The following PKP2 variants were observed in gnomAD, a reference collection of about 807,000 sequenced individuals.
PKP2 encodes the protein plakophilin-2.
PKP2 carries 73 observed loss-of-function variants against 83.4 expected under a neutral mutation model. The observed-to-expected ratio is 0.88, with a 90% confidence interval of 0.72 to 1.06. The LOEUF (loss-of-function observed/expected upper bound fraction) is 1.06. PKP2 is among the 50% of genes least tolerant of loss of function. PKP2 has a pLI of 0.00. For missense variants in PKP2, 966 were observed against 1,065.4 expected (o/e 0.91, Z 1.30); for synonymous variants, 409 against 430.4 (o/e 0.95, Z 0.62).
chr12:32,794,263 T>C (rs1956101365), intron 11 of PKP2, among the ~76,000 whole-genome samples: 4 of 152,248 alleles, frequency 2.6e-5, no homozygotes, highest in Admixed American at 2.6e-4. Context: ...TATTCAAAAC[T>C]GTAAAAAGTT....
intron 6 of PKP2, among the ~76,000 whole-genome samples, chr12:32,839,344 T>C (rs1956568738): frequency 6.6e-6 from 1 of 151,490 alleles, no homozygotes; most frequent in African/African-American, 2.4e-5. Flanking sequence ...TTCCCTGTGA[T>C]TGGCACAATC....
At chr12:32,855,237 G>A (rs934523612) in intron 4 of PKP2, among the ~76,000 whole-genome samples, 10 of 152,104 alleles carry the variant, frequency 6.6e-5, no homozygotes, top group African/African-American at 2.4e-4. Flanking sequence ...CAGCAATGGG[G>A]GAAGACTGGT....
At chr12:32,819,178 T>C (rs1353240511) in intron 9 of PKP2, among the ~76,000 whole-genome samples, 1 of 151,890 alleles carries the variant, frequency 6.6e-6, no homozygotes, top group Non-Finnish European at 1.5e-5. Flanking sequence ...CTTGGGAGGC[T>C]GAGGCAGGAG....
In PKP2 at chr12:32,889,532, T is replaced by C. The variant is rs192736228; in HGVS notation, c.223+6977A>G. 7.2e-5 allele frequency among the ~76,000 whole-genome samples: 11 copies of C among 152,352 alleles called. No homozygotes were observed. In the East Asian group the frequency reaches 9.6e-4, roughly 13 times the overall value. ...GTATCAGTACTTGACAAGTTAATTG[T>C]TGATTAGTCAGATTACCTGTACATT... is the stretch of plus-strand genomic sequence containing the variant. On this transcript the variant is annotated intron_variant, in intron 1 of 12. Coordinates refer to ENST00000340811, the MANE Select transcript of PKP2 (RefSeq NM_001005242.3).
At chr12:32,865,681 C>CAAAAAA (rs765071380) in intron 4 of PKP2, among the ~76,000 whole-genome samples, 1 of 103,670 alleles carries the variant, frequency 9.6e-6, no homozygotes, top group African/African-American at 5.6e-5. Context: ...GACTCCGTCT[C>CAAAAAA]AAAAAAAAAA....
intron 6 of PKP2, among the ~76,000 whole-genome samples, chr12:32,835,781 G>T (rs1018707115): frequency 2.0e-5 from 3 of 152,150 alleles, no homozygotes; most frequent in Non-Finnish European, 4.4e-5. Flanking sequence ...TCTGGGGCTG[G>T]GGGAGGGGGA....
chr12:32,834,234 A>G (rs1279805482), intron 6 of PKP2, among the ~76,000 whole-genome samples: 1 of 152,186 alleles, frequency 6.6e-6, no homozygotes, highest in African/African-American at 2.4e-5. Context: ...GGGCAAAAAT[A>G]GGTCCCATTC....
chr12:32,819,218 C>T (rs1350418929), intron 9 of PKP2, among the ~76,000 whole-genome samples: 2 of 151,834 alleles, frequency 1.3e-5, no homozygotes, highest in African/African-American at 4.8e-5. Context: ...GCAGAAGTTG[C>T]AGTGAGCCAA....
rs141003137 is a variant in PKP2 at position 32,819,350 on chromosome 12, G to A, written c.2013+2006C>T. Among the ~76,000 whole-genome samples the A allele has an allele frequency of 1.9e-3, 264 of 137,768 alleles. 3 individuals carry two copies. The highest frequency in any genetic ancestry group is 7.1e-3 in the African/African-American group (252 of 35,354). The allele number at this position is 137,768 out of a possible 152,430, so 90.4% of individuals were successfully genotyped here. A position where few individuals can be genotyped will look rare whatever the true frequency, so the allele number is the denominator to read the frequency against. ...ATAAAATAAAATAAAATAAAATAAAGGGGCTTCATATTTGTCCCATGCTGC... is the reference window on the plus strand; with the variant it reads ...ATAAAATAAAATAAAATAAAATAAAAGGGCTTCATATTTGTCCCATGCTGC... On this transcript the variant is annotated intron_variant, in intron 9 of 12. Coordinates refer to ENST00000340811, the MANE Select transcript of PKP2 (RefSeq NM_001005242.3).
At chr12:32,851,500 GCT>G (rs1956696288) in intron 4 of PKP2, among the ~76,000 whole-genome samples, 1 of 152,050 alleles carries the variant, frequency 6.6e-6, no homozygotes, top group African/African-American at 2.4e-5. Flanking sequence ...ATGCAGTCTG[GCT>G]CTGTCACCCA....
At chr12:32,819,313 C>CGATAAAATAAAATAA (rs1956353119) in intron 9 of PKP2, among the ~76,000 whole-genome samples, 1 of 146,362 alleles carries the variant, frequency 6.8e-6, no homozygotes. Context: ...CAATACAATA[C>CGATAAAATAAAATAA]AATAAAATAA....
chr12:32,880,507 G>C (rs565107992), intron 1 of PKP2, among the ~76,000 whole-genome samples: 1 of 152,338 alleles, frequency 6.6e-6, no homozygotes, highest in African/African-American at 2.4e-5. Flanking sequence ...TTTGGCAACA[G>C]GAGAGTTAGG....
At position 32,831,409 on chromosome 12, in the gene PKP2, T is replaced by C. The variant is rs1956500686; in HGVS notation, c.1557-7247A>G. On this transcript the variant is annotated intron_variant, in intron 6 of 12. Coordinates refer to ENST00000340811, the MANE Select transcript of PKP2 (RefSeq NM_001005242.3). ...TGGAATAAGACCTTGTGTCACAAAA[T>C]ACAGTTCATAAAACACCAATTTGAG... Among the ~76,000 whole-genome samples, 3 of 152,204 alleles carry C rather than the reference T, an allele frequency of 2.0e-5. No individual in the cohort carries two copies. The South Asian group carries it at 6.2e-4, about 31-fold the overall frequency.
chr12:32,800,901 T>C (rs1956172539), intron 10 of PKP2, among the ~76,000 whole-genome samples: 3 of 152,218 alleles, frequency 2.0e-5, no homozygotes, highest in Admixed American at 6.5e-5. Flanking sequence ...TCTCTAGATG[T>C]AAGTAAAACA....
chr12:32,851,081 T>C, intron 4 of PKP2, 108 bp from the exon 5 acceptor site: 1 of 874,160 alleles, frequency 1.1e-6, no homozygotes, highest in Non-Finnish European at 1.9e-6. Context: ...ATAACCTTTC[T>C]TCATCAACAA....
chr12:32,826,863 A>G (rs554633108), intron 6 of PKP2, among the ~76,000 whole-genome samples: 139 of 152,320 alleles, frequency 9.1e-4, no homozygotes, highest in Non-Finnish European at 1.6e-3. Flanking sequence ...TCCTGGTGAC[A>G]GCAAATTAGT....
In PKP2 at chr12:32,896,528, G is replaced by A; in HGVS notation, c.204C>T (p.Gly68=). 1.3e-6 allele frequency: 2 copies of A among 1,554,800 alleles called. No individual in the cohort carries two copies. Among genetic ancestry groups the A allele is most frequent in the South Asian group, 1.2e-5 (1 of 86,288 alleles). ...EQVQQTLARK[G]RSSVGNGNLH... ...ACTCACCGTTGCCCACGGAGCTGCG[G>A]CCCTTCCGGGCGAGGGTCTGCTGCA... The change falls in exon 1 of 13, where the codon GGC becomes GGT. Residue 68 remains glycine, a synonymous_variant. Transcript: ENST00000340811.
At chr12:32,830,712 C>A (rs949081258) in intron 6 of PKP2, among the ~76,000 whole-genome samples, 6 of 152,010 alleles carry the variant, frequency 3.9e-5, no homozygotes, top group African/African-American at 1.4e-4. Context: ...TTCAAGACCG[C>A]CTGGCCAACA....
intron 3 of PKP2, among the ~76,000 whole-genome samples, chr12:32,869,554 G>A (rs1358470710): frequency 8.0e-5 from 12 of 150,068 alleles, no homozygotes; most frequent in Non-Finnish European, 1.3e-4. Flanking sequence ...AGCAGAGATA[G>A]TGCCACTTCA....
Sources: gnomAD v4.1 joint callset for allele counts (sites outside exome capture counted in the v4.1 genomes callset) on GRCh38, gnomAD v4.1.1 for gene constraint, MANE v1.5 for transcripts, NCBI Gene and HGNC (gene_info 2026-07-23, HGNC 2026-07-21) for gene names.